KCNK9: variants seen among roughly 807,000 people sequenced by gnomAD.
KCNK9 encodes potassium channel subfamily K member 9.
In KCNK9, 1 loss-of-function variant was observed where a neutral mutation model predicts 10.8. That is an observed-to-expected ratio of 0.09 (90% CI 0.03 to 0.44). The LOEUF is 0.44. KCNK9 is among the 20% of genes least tolerant of loss of function. The pLI is 0.97. For synonymous variants in KCNK9, 231 were observed against 222.7 expected (o/e 1.04, Z -0.33); for missense variants, 303 against 515.0 (o/e 0.59, Z 3.98).
chr8:139,676,009 G>T (rs1164157116), intron 1 of KCNK9, among the ~76,000 whole-genome samples: 4 of 152,176 alleles, frequency 2.6e-5, no homozygotes, highest in African/African-American at 9.7e-5. Context: ...TCCCATAGCT[G>T]CCCATGGGCT....
intron 1 of KCNK9, among the ~76,000 whole-genome samples, chr8:139,639,405 G>A (rs923250018): frequency 2.0e-5 from 3 of 152,232 alleles, no homozygotes; most frequent in Non-Finnish European, 4.4e-5. Context: ...TGCCTGGCAC[G>A]CTGTCTGGCG....
At chr8:139,668,421 A>AC (rs1209096449) in intron 1 of KCNK9, among the ~76,000 whole-genome samples, 1 of 109,134 alleles carries the variant, frequency 9.2e-6, no homozygotes, top group Admixed American at 1.1e-4. Flanking sequence ...TGTAAACAAT[A>AC]CTTTTTTTTT....
At chr8:139,601,742 C>A (rs964573512) in intron 2 of KCNK9, 13 of 152,178 alleles carry the variant, frequency 8.5e-5, no homozygotes, top group Non-Finnish European at 1.5e-5. Flanking sequence ...ATAATTAAGA[C>A]CCCCTGCTCC....
At chr8:139,689,653 T>TA (rs1041888131) in intron 1 of KCNK9, among the ~76,000 whole-genome samples, 2 of 151,334 alleles carry the variant, frequency 1.3e-5, no homozygotes, top group African/African-American at 4.9e-5. Context: ...ATTTTTTTTT[T>TA]TTTTTTTGAG....
chr8:139,616,105 C>T (rs1814581548), downstream of KCNK9: 1 of 152,170 alleles, frequency 6.6e-6, no homozygotes, highest in South Asian at 2.1e-4. Context: ...CTCTCAGTGC[C>T]TTGGTGTCGT....
chr8:139,697,394 G>C (rs1485620464), intron 1 of KCNK9, among the ~76,000 whole-genome samples: 1 of 148,404 alleles, frequency 6.7e-6, no homozygotes, highest in African/African-American at 2.5e-5. Context: ...TGGATAAGTG[G>C]GTGGATGGGA....
intron 2 of KCNK9, among the ~76,000 whole-genome samples, chr8:139,604,556 C>G (rs1203049321): frequency 6.6e-6 from 1 of 152,194 alleles, no homozygotes; most frequent in African/African-American, 2.4e-5. Flanking sequence ...GACCTGGCTT[C>G]TAGCCAGGCA....
chr8:139,692,677 G>A (rs1052641085), intron 1 of KCNK9, among the ~76,000 whole-genome samples: 32 of 152,128 alleles, frequency 2.1e-4, no homozygotes, highest in African/African-American at 7.5e-4. Context: ...ACTGGGGAAC[G>A]TTCTCCCACA....
chr8:139,644,112 G>T (rs1394874635), intron 1 of KCNK9, among the ~76,000 whole-genome samples: 1 of 152,220 alleles, frequency 6.6e-6, no homozygotes, highest in Non-Finnish European at 1.5e-5. Flanking sequence ...TGCAGGAAGG[G>T]CTTTCCAGGC....
chr8:139,614,016 A>G (rs1814506946), downstream of KCNK9, among the ~76,000 whole-genome samples: 1 of 152,110 alleles, frequency 6.6e-6, no homozygotes, highest in Non-Finnish European at 1.5e-5. Context: ...AAAGAAATGG[A>G]GCCATAAGCC....
intron 1 of KCNK9, among the ~76,000 whole-genome samples, chr8:139,698,073 C>T (rs1242769881): frequency 3.3e-5 from 5 of 152,190 alleles, no homozygotes; most frequent in Non-Finnish European, 5.9e-5. Context: ...AGGAAAAACG[C>T]GATGGACTAC....
At chr8:139,652,612 G>C (rs1319731857) in intron 1 of KCNK9, among the ~76,000 whole-genome samples, 1 of 152,202 alleles carries the variant, frequency 6.6e-6, no homozygotes, top group Non-Finnish European at 1.5e-5. Context: ...TCTCCTGCCG[G>C]GAGCTGAAGG....
At chr8:139,645,392 A>G (rs1815645438) in intron 1 of KCNK9, among the ~76,000 whole-genome samples, 2 of 152,184 alleles carry the variant, frequency 1.3e-5, no homozygotes, top group Admixed American at 1.3e-4. Flanking sequence ...ACCTGCCCTC[A>G]GCATGGCCCA....
Position 139,693,652 on chromosome 8 carries a change from C to T in KCNK9, c.283+9058G>A, listed in dbSNP as rs563811152. Among the ~76,000 whole-genome samples the T allele has an allele frequency of 3.7e-4, 56 of 152,168 alleles. No homozygotes were observed. The highest frequency in any genetic ancestry group is 6.9e-4 in the Non-Finnish European group (47 of 68,014). The stretch of plus-strand genomic sequence containing the variant: ...TGGGCTGGGGAGCAAAGAAACAAGT[C>T]CTTTGCTCAAGAGGATAAAGGACAA... On this transcript the variant is annotated intron_variant, in intron 1 of 1. Transcript: ENST00000520439. The surrounding 1 kb of genome is among the most constrained non-coding windows in gnomAD (Gnocchi z 4.1).
chr8:139,637,760 T>TACACACACACACACACAC (rs34018499), intron 1 of KCNK9, among the ~76,000 whole-genome samples: 2,388 of 146,148 alleles, frequency 0.016, 38 homozygotes, highest in African/African-American at 0.02. Flanking sequence ...ATTCCTACTC[T>TACACACACACACACACAC]ACACACACAC....
At chr8:139,608,958 T>C (rs1814324321), downstream of KCNK9, among the ~76,000 whole-genome samples, 1 of 152,022 alleles carries the variant, frequency 6.6e-6, no homozygotes, top group Admixed American at 6.5e-5. Context: ...CACTTATTCC[T>C]CTCTAATGCC....
At chr8:139,647,663 T>C (rs1436580698) in intron 1 of KCNK9, among the ~76,000 whole-genome samples, 1 of 152,146 alleles carries the variant, frequency 6.6e-6, no homozygotes, top group Non-Finnish European at 1.5e-5. Context: ...GTGGCGGTGA[T>C]GGCAGGGAGG....
chr8:139,625,726 A>G (rs1355253927), intron 1 of KCNK9, among the ~76,000 whole-genome samples: 1 of 74,266 alleles, frequency 1.3e-5, no homozygotes, highest in African/African-American at 9.1e-5. Flanking sequence ...ACAAAACAGG[A>G]AAAAAAAAAA....
chr8:139,655,396 C>T (rs942386347), intron 1 of KCNK9, among the ~76,000 whole-genome samples: 2 of 152,156 alleles, frequency 1.3e-5, no homozygotes, highest in Admixed American at 6.5e-5. Flanking sequence ...CCCAGACATG[C>T]TGGCTGGCTG....
Sources: gnomAD v4.1 joint callset for allele counts (sites outside exome capture counted in the v4.1 genomes callset) on GRCh38, gnomAD v4.1.1 for gene constraint, Gnocchi (gnomAD v3.1) non-coding constraint, MANE v1.5 for transcripts, NCBI Gene and HGNC (gene_info 2026-07-23, HGNC 2026-07-21) for gene names.